Variants in BRWD3 observed in about 807,000 individuals in gnomAD.
BRWD3 encodes bromodomain and WD repeat-containing protein 3.
In BRWD3, 10 loss-of-function variants were observed where a neutral mutation model predicts 149.7. That is an observed-to-expected ratio of 0.07 (90% CI 0.04 to 0.11). The LOEUF is 0.11. Ranked by LOEUF, BRWD3 falls within the 10% of genes least tolerant of loss-of-function variation. The probability of loss-of-function intolerance (pLI) is 1.00; values close to 1 mark genes in which losing one functional copy is unlikely to be tolerated. For missense variants in BRWD3, 940 were observed against 1,373.2 expected (o/e 0.68, Z 4.99); for synonymous variants, 504 against 456.7 (o/e 1.10, Z -1.32).
At position 80,674,280 on chromosome X, in the gene BRWD3, T is replaced by A. The variant is rs1057516001; in HGVS notation, c.*2329A>T. 1.8e-5 allele frequency: 2 copies of A among 111,627 alleles called. No homozygotes were observed. Among genetic ancestry groups the A allele is most frequent in the South Asian group, 7.3e-4 (2 of 2,725 alleles). The allele number at this position is 111,627 out of a possible 1,213,427, so 9.2% of individuals were successfully genotyped here. A position where few individuals can be genotyped will look rare whatever the true frequency, so the allele number is the denominator to read the frequency against. ...ATTCTAATTATCTAATTCTAGAAAA[T>A]CTTGACATTTGGGAAATAAATGTGG... On this transcript the variant is annotated 3_prime_UTR_variant, in exon 41 of 41. Transcript: ENST00000373275.
In BRWD3 at chrX:80,689,790, C is replaced by T. The variant is rs775682673; in HGVS notation, c.3785G>A (p.Arg1262Gln). Residue 1262 changes from arginine (R) to glutamine (Q), a missense_variant, in exon 33 of 41, where the codon CGA (arginine) becomes CAA (glutamine). Coordinates refer to ENST00000373275, the MANE Select transcript of BRWD3 (RefSeq NM_153252.5). ...TACCTCCTCTGCATCAGTACTGTTT[C>T]GTTCTTCTGCTTTAATTTTATTATA... ...DTYNKIKAEE[R>Q]NSTDAEEDTE... The T allele has an allele frequency of 2.0e-5, 24 of 1,200,573 alleles. No homozygotes were observed. Among genetic ancestry groups the T allele is most frequent in the East Asian group, 1.8e-4 (6 of 33,620 alleles).
chrX:80,772,746 T>C (rs2073959180), intron 6 of BRWD3, among the ~76,000 whole-genome samples: 1 of 111,650 alleles, frequency 9.0e-6, no homozygotes, highest in African/African-American at 3.3e-5. Context: ...TGGGCATTTA[T>C]CCCAGAAAAA....
Position 80,719,481 on chromosome X carries a change from ATACT to A in BRWD3, c.2044+4_2044+7del. 2 of 1,201,285 alleles carry A rather than the reference ATACT, an allele frequency of 1.7e-6. No homozygotes were observed. Among genetic ancestry groups the A allele is most frequent in the Non-Finnish European group, 2.3e-6 (2 of 886,294 alleles). On this transcript the variant is annotated splice_donor_5th_base_variant and intron_variant, in intron 18 of 40. Transcript: ENST00000373275. ...AACTACACCCTTTACAAGTATAAAA[ATACT>A]TACCACCATTAACAGAGTATGCTCT... is the stretch of plus-strand genomic sequence containing the variant.
At chrX:80,798,770 C>CA in intron 4 of BRWD3, among the ~76,000 whole-genome samples, 1 of 111,422 alleles carries the variant, frequency 9.0e-6, no homozygotes, top group Admixed American at 9.6e-5. Context: ...CCATCTCTAC[C>CA]AAAAAAGGTT....
intron 28 of BRWD3, 110 bp downstream of exon 28, chrX:80,692,830 G>T: frequency 1.6e-6 from 1 of 611,268 alleles, no homozygotes; most frequent in South Asian, 2.4e-5. Flanking sequence ...TACAGGTATT[G>T]TGAGACTAGA....
chrX:80,711,186 A>G (rs1369835757), intron 20 of BRWD3, among the ~76,000 whole-genome samples: 2 of 111,738 alleles, frequency 1.8e-5, no homozygotes, highest in Non-Finnish European at 3.8e-5. Flanking sequence ...AAGATATATA[A>G]GTGGATTTAA....
In BRWD3 at chrX:80,809,651, C is replaced by G; in HGVS notation, c.-180G>C. ...CATCACGTTTCGACCCATAGATATT[C>G]TAGCCCAAGAGCTGAGGAGGCGGAG... is the stretch of plus-strand genomic sequence containing the variant. On this transcript the variant is annotated 5_prime_UTR_variant, in exon 1 of 41. Coordinates refer to ENST00000373275, the MANE Select transcript of BRWD3 (RefSeq NM_153252.5). 1 of 435,500 alleles carries G rather than the reference C, an allele frequency of 2.3e-6. No individual in the cohort carries two copies. The highest frequency in any genetic ancestry group is 4.0e-6 in the Non-Finnish European group (1 of 247,178). The allele number at this position is 435,500 out of a possible 1,213,427, so 35.9% of individuals were successfully genotyped here.
chrX:80,696,800 A>G lies in BRWD3; in HGVS notation c.3007T>C (p.Leu1003=). ...ATTGGGTCCAGAAATGCAAGCTTCA[A>G]GCAGCACAGTGTGGGTGGGCCAACC... is the stretch of plus-strand genomic sequence containing the variant. ...YEVGPPTLCC[L]KLAFLDPISG... Residue 1003 remains leucine (L), a synonymous_variant, in exon 26 of 41, where the codon TTG becomes CTG. Coordinates refer to ENST00000373275, the MANE Select transcript of BRWD3 (RefSeq NM_153252.5). 8.3e-7 allele frequency: 1 copy of G among 1,209,814 alleles called. No individual in the cohort carries two copies. Among genetic ancestry groups the G allele is most frequent in the Non-Finnish European group, 1.1e-6 (1 of 893,713 alleles).
chrX:80,687,271 G>T (rs1234432428), intron 34 of BRWD3, among the ~76,000 whole-genome samples: 2 of 110,985 alleles, frequency 1.8e-5, no homozygotes, highest in Non-Finnish European at 3.8e-5. Flanking sequence ...ATGTACAGAG[G>T]AACAAATGCT....
intron 8 of BRWD3, among the ~76,000 whole-genome samples, chrX:80,739,423 G>C (rs960962587): frequency 9.0e-5 from 10 of 111,365 alleles, no homozygotes; most frequent in South Asian, 3.8e-4. Flanking sequence ...AACAAGTATG[G>C]AGCTAAAAGA....
intron 4 of BRWD3, among the ~76,000 whole-genome samples, chrX:80,808,121 G>A (rs1602461518): frequency 1.1e-5 from 1 of 88,080 alleles, no homozygotes; most frequent in East Asian, 3.8e-4. Context: ...TTTCAGGCCA[G>A]GACCAACCAG....
rs754629021 is a variant in BRWD3 at position 80,753,294 on chromosome X, G to T, written c.431-7565C>A. Among the ~76,000 whole-genome samples the T allele has an allele frequency of 3.0e-5, 3 of 101,248 alleles. No individual in the cohort carries two copies. In the East Asian group the frequency reaches 9.5e-4, roughly 32 times the overall value. 87.9% of individuals were successfully genotyped at this position (101,248 alleles called of 115,157 possible). A position where few individuals can be genotyped will look rare whatever the true frequency, so the allele number is the denominator to read the frequency against. ...TCAGTTTTTTTTTTTTTTTTTAGAT[G>T]GAGTTTCACTCGTCACCCAGGCTGG... On this transcript the variant is annotated intron_variant, in intron 6 of 40. Transcript: ENST00000373275.
At chrX:80,685,402 T>TA in intron 36 of BRWD3, 60 bp downstream of exon 36, 1 of 961,954 alleles carries the variant, frequency 1.0e-6, no homozygotes, top group Non-Finnish European at 1.5e-6. Context: ...TCATGTACAG[T>TA]ATGGAGAGTT....
chrX:80,728,623 T>C, intron 14 of BRWD3, 129 bp downstream of exon 14: 1 of 550,475 alleles, frequency 1.8e-6, no homozygotes, highest in Non-Finnish European at 2.9e-6. Context: ...AACAGAGCCC[T>C]CTCAGAAAAT....
rs2147659778 is a variant in BRWD3, at chrX:80,669,853, A to G, written c.*6756T>C. Among the ~76,000 whole-genome samples the G allele has an allele frequency of 9.0e-6, 1 of 111,592 alleles. No individual in the cohort carries two copies. The highest frequency in any genetic ancestry group is 2.8e-4 in the East Asian group (1 of 3,570). The stretch of plus-strand genomic sequence containing the variant: ...TTTTTATTTCTTCATATATTTACTT[A>G]CAAAACTTATAAAATTGAAGAGAAC... On this transcript the variant is annotated 3_prime_UTR_variant, in exon 41 of 41. Transcript: ENST00000373275.
chrX:80,756,967 A>G (rs1390866984), intron 6 of BRWD3, among the ~76,000 whole-genome samples: 2 of 111,706 alleles, frequency 1.8e-5, no homozygotes, highest in African/African-American at 6.5e-5. Context: ...TCTAGAGATG[A>G]GCAATTTAAC....
intron 6 of BRWD3, among the ~76,000 whole-genome samples, chrX:80,790,184 ACT>A (rs1399951538): frequency 3.3e-5 from 2 of 60,747 alleles, no homozygotes; most frequent in East Asian, 1.1e-3. Context: ...CAACAGTGAG[ACT>A]CTGTCTCAAA....
At chrX:80,761,850 T>C (rs1218068820) in intron 6 of BRWD3, among the ~76,000 whole-genome samples, 1 of 111,492 alleles carries the variant, frequency 9.0e-6, no homozygotes, top group Non-Finnish European at 1.9e-5. Flanking sequence ...CAGATATCAA[T>C]AGCAGAATCC....
chrX:80,772,181 C>T (rs755179715), intron 6 of BRWD3, among the ~76,000 whole-genome samples: 8 of 111,770 alleles, frequency 7.2e-5, no homozygotes, highest in African/African-American at 1.3e-4. Flanking sequence ...ATGTTTATTG[C>T]GGCACTATTC....
Sources: gnomAD v4.1 joint callset for allele counts (sites outside exome capture counted in the v4.1 genomes callset) on GRCh38, gnomAD v4.1.1 for gene constraint, MANE v1.5 for transcripts, NCBI Gene and HGNC (gene_info 2026-07-23, HGNC 2026-07-21) for gene names.